The following NUBPL variants were observed in gnomAD, a reference collection of about 807,000 sequenced individuals.
NUBPL encodes iron-sulfur cluster transfer protein NUBPL.
In NUBPL, 31 loss-of-function variants were observed where a neutral mutation model predicts 45.7. That is an observed-to-expected ratio of 0.68 (90% CI 0.51 to 0.92). The LOEUF is 0.92. NUBPL is among the 40% of genes least tolerant of loss of function. The pLI is 0.00. For synonymous variants in NUBPL, 144 were observed against 140.9 expected (o/e 1.02, Z -0.15); for missense variants, 401 against 398.7 (o/e 1.01, Z -0.05).
intron 6 of NUBPL, among the ~76,000 whole-genome samples, chr14:31,781,915 T>C (rs1277459774): frequency 6.6e-6 from 1 of 152,168 alleles, no homozygotes; most frequent in African/African-American, 2.4e-5. Context: ...AATATTATTC[T>C]CTTTTCTTTA....
intron 6 of NUBPL, among the ~76,000 whole-genome samples, chr14:31,706,102 G>A (rs1466417600): frequency 1.3e-5 from 2 of 152,172 alleles, no homozygotes; most frequent in Admixed American, 6.5e-5. Flanking sequence ...CACCGAGGCT[G>A]AGGAGATGCC....
chr14:31,646,801 CT>C (rs1223278334), intron 4 of NUBPL, among the ~76,000 whole-genome samples: 1 of 149,378 alleles, frequency 6.7e-6, no homozygotes, highest in East Asian at 1.9e-4. Flanking sequence ...CTTTGTATCC[CT>C]TTCTCTTGCT....
At chr14:31,664,465 A>C (rs1257706985) in intron 4 of NUBPL, among the ~76,000 whole-genome samples, 1 of 152,126 alleles carries the variant, frequency 6.6e-6, no homozygotes, top group African/African-American at 2.4e-5. Flanking sequence ...ATTTTGTTGA[A>C]GGTCTTTTCT....
chr14:31,815,828 G>C (rs879669550), intron 7 of NUBPL, among the ~76,000 whole-genome samples: 43 of 152,230 alleles, frequency 2.8e-4, no homozygotes, highest in African/African-American at 8.9e-4. Flanking sequence ...TTTATGTGAT[G>C]GATTATTTTT....
chr14:31,561,695 C>T (rs909892125), intron 1 of NUBPL, 148 bp downstream of exon 1: 15 of 573,564 alleles, frequency 2.6e-5, no homozygotes, highest in Admixed American at 2.2e-4. Context: ...CAGGCAGGCC[C>T]AGGCTGAGGC....
chr14:31,828,407 A>G (rs2138972964), intron 8 of NUBPL, among the ~76,000 whole-genome samples: 1 of 152,302 alleles, frequency 6.6e-6, no homozygotes, highest in African/African-American at 2.4e-5. Flanking sequence ...TCTGGCAGAA[A>G]TTAGATAACA....
intron 4 of NUBPL, among the ~76,000 whole-genome samples, chr14:31,603,718 A>C (rs1048128269): frequency 6.6e-6 from 1 of 152,178 alleles, no homozygotes; most frequent in Non-Finnish European, 1.5e-5. Context: ...GTTAACATTG[A>C]CCCTAGCAGT....
At chr14:31,669,188 A>G (rs1275957875) in intron 4 of NUBPL, among the ~76,000 whole-genome samples, 6 of 152,232 alleles carry the variant, frequency 3.9e-5, no homozygotes, top group African/African-American at 1.4e-4. Flanking sequence ...ATTGACACAT[A>G]ATTGCATATA....
chr14:31,712,439 G>T (rs959827010), intron 6 of NUBPL, among the ~76,000 whole-genome samples: 1 of 152,218 alleles, frequency 6.6e-6, no homozygotes. Flanking sequence ...TGCGGGGCCT[G>T]TGGAGCCGTG....
intron 6 of NUBPL, among the ~76,000 whole-genome samples, chr14:31,734,281 A>G (rs1595559285): frequency 6.6e-6 from 1 of 152,316 alleles, no homozygotes; most frequent in East Asian, 1.9e-4. Flanking sequence ...TTTAAGCATG[A>G]GCACTTCTGT....
chr14:31,733,136 T>C (rs917635693), intron 6 of NUBPL, among the ~76,000 whole-genome samples: 4 of 152,150 alleles, frequency 2.6e-5, no homozygotes, highest in Non-Finnish European at 5.9e-5. Flanking sequence ...TTTCCCCCAT[T>C]TAATTGACTT....
intron 6 of NUBPL, among the ~76,000 whole-genome samples, chr14:31,696,041 G>A (rs187777670): frequency 2.0e-5 from 3 of 152,326 alleles, no homozygotes; most frequent in Admixed American, 2.0e-4. Context: ...TATAAAATAA[G>A]GAGGGGAGTT....
chr14:31,821,260 A>G (rs1470449313), intron 7 of NUBPL, among the ~76,000 whole-genome samples: 2 of 152,228 alleles, frequency 1.3e-5, no homozygotes, highest in African/African-American at 2.4e-5. Flanking sequence ...CGACCCGGAA[A>G]TGGGAGAAAA....
At chr14:31,690,606 A>C (rs1387816300) in intron 6 of NUBPL, among the ~76,000 whole-genome samples, 1 of 152,192 alleles carries the variant, frequency 6.6e-6, no homozygotes, top group Non-Finnish European at 1.5e-5. Flanking sequence ...GTAGAGAAAA[A>C]ATCATGAAAA....
rs918596272 is a variant in NUBPL at position 31,777,549 on chromosome 14, C to G, written c.514-10231C>G. On this transcript the variant is annotated intron_variant, in intron 6 of 10. Coordinates refer to ENST00000281081, the MANE Select transcript of NUBPL (RefSeq NM_025152.3). ...AGGCTAGAACAATTTTAAAGAGCAG[C>G]CAAATGCTTAGCCCAAATATGAGGA... is the stretch of plus-strand genomic sequence containing the variant. 1.1e-4 allele frequency among the ~76,000 whole-genome samples: 16 copies of G among 152,244 alleles called. No homozygotes were observed. In the East Asian group the frequency reaches 2.1e-3, roughly 20 times the overall value.
intron 4 of NUBPL, among the ~76,000 whole-genome samples, chr14:31,621,180 A>G (rs773721113): frequency 6.6e-6 from 1 of 152,200 alleles, no homozygotes; most frequent in Non-Finnish European, 1.5e-5. Flanking sequence ...CTGTGCTGGC[A>G]TGAGAATTTC....
At position 31,637,425 on chromosome 14, in the gene NUBPL, C is replaced by G. The variant is rs545554119; in HGVS notation, c.383-35930C>G. 3.9e-4 allele frequency among the ~76,000 whole-genome samples: 59 copies of G among 152,226 alleles called. 1 individual carries two copies. The highest frequency in any genetic ancestry group is 1.3e-3 in the African/African-American group (52 of 41,528). On this transcript the variant is annotated intron_variant, in intron 4 of 10. Transcript: ENST00000281081. ...TGAGTGAGATTCTTAATCCTGAGTT[C>G]TAGTTTGATTGCACTGTGGTCTGAG... is the stretch of plus-strand genomic sequence containing the variant.
intron 6 of NUBPL, among the ~76,000 whole-genome samples, chr14:31,717,127 A>G (rs1372882598): frequency 6.6e-6 from 1 of 152,158 alleles, no homozygotes; most frequent in East Asian, 1.9e-4. Context: ...AACCTAGGAA[A>G]AAGGTCCTTC....
At chr14:31,579,156 T>C (rs1313807158) in intron 3 of NUBPL, among the ~76,000 whole-genome samples, 1 of 152,186 alleles carries the variant, frequency 6.6e-6, no homozygotes, top group Non-Finnish European at 1.5e-5. Flanking sequence ...TGGAATGTTA[T>C]CTGGAGTGTG....
Sources: gnomAD v4.1 joint callset for allele counts (sites outside exome capture counted in the v4.1 genomes callset) on GRCh38, gnomAD v4.1.1 for gene constraint, MANE v1.5 for transcripts, NCBI Gene and HGNC (gene_info 2026-07-23, HGNC 2026-07-21) for gene names.